Variants in TRPC6 observed in about 807,000 individuals in gnomAD.
The protein encoded by TRPC6 is transient receptor potential cation channel subfamily C member 6.
TRPC6 carries 55 observed loss-of-function variants against 90.7 expected under a neutral mutation model. That is an observed-to-expected ratio of 0.61 (90% CI 0.49 to 0.76). The LOEUF (loss-of-function observed/expected upper bound fraction) is 0.76, where lower values mean the gene tolerates loss of function less well. Among genes scored for constraint, TRPC6 ranks in the 30% least tolerant of loss-of-function variants. The probability of loss-of-function intolerance (pLI) is 0.00; values close to 1 mark genes in which losing one functional copy is unlikely to be tolerated. For synonymous variants in TRPC6, 393 were observed against 393.0 expected (o/e 1.00, Z 0.00); for missense variants, 989 against 1,122.7 (o/e 0.88, Z 1.70).
chr11:101,491,833 A>ATTTTTT lies in TRPC6; in HGVS notation c.946-96_946-95insAAAAAA, dbSNP rs200869151. ...AAGGATTTTATACTTTAAGAGAAAC[A>ATTTTTT]TTCTTTTTTTTTTTTTTTTTTTTTT... On this transcript the variant is annotated intron_variant, in intron 2 of 12. Transcript: ENST00000344327. 686 of 781,578 alleles carry ATTTTTT rather than the reference A, an allele frequency of 8.8e-4. 14 individuals carry two copies. Among genetic ancestry groups the ATTTTTT allele is most frequent in the African/African-American group, 3.3e-3 (121 of 36,282 alleles). The allele number at this position is 781,578 out of a possible 1,614,324, so 48.4% of individuals were successfully genotyped here. A position where few individuals can be genotyped will look rare whatever the true frequency, so the allele number is the denominator to read the frequency against.
chr11:101,530,205 A>G (rs540230407), intron 1 of TRPC6, among the ~76,000 whole-genome samples: 2 of 151,682 alleles, frequency 1.3e-5, no homozygotes, highest in Non-Finnish European at 2.9e-5. Context: ...GACCCTGAAA[A>G]AGCTCTAACT....
intron 1 of TRPC6, among the ~76,000 whole-genome samples, chr11:101,512,361 GTCATCATTTCATTTGTA>G (rs1481887454): frequency 2.0e-5 from 3 of 152,204 alleles, no homozygotes; most frequent in South Asian, 4.2e-4. Context: ...CAAATTTTTG[GTCATCATTTCATTTGTA>G]TCATCATTTC....
chr11:101,578,468 G>T (rs1187832147), intron 1 of TRPC6, among the ~76,000 whole-genome samples: 3 of 152,034 alleles, frequency 2.0e-5, no homozygotes, highest in Non-Finnish European at 4.4e-5. Context: ...TTTTACTTGT[G>T]GTCTCTAACA....
At chr11:101,521,257 C>T (rs1860653150) in intron 1 of TRPC6, among the ~76,000 whole-genome samples, 1 of 152,116 alleles carries the variant, frequency 6.6e-6, no homozygotes, top group Non-Finnish European at 1.5e-5. Flanking sequence ...CAGGACACTG[C>T]TCCCTGTTTC....
intron 1 of TRPC6, among the ~76,000 whole-genome samples, chr11:101,571,520 T>C (rs1861964309): frequency 1.3e-5 from 2 of 152,144 alleles, no homozygotes; most frequent in African/African-American, 4.8e-5. Flanking sequence ...AAAAAACTAA[T>C]TTAAACTTCA....
rs537547111 is a variant in TRPC6 at position 101,478,123 on chromosome 11, T to A, written c.1511-1589A>T. On this transcript the variant is annotated intron_variant, in intron 5 of 12. Transcript: ENST00000344327. ...TAAATGTCAGTCACAAAACCTGCTA[T>A]GTGAATAGCTGCAGAGCCCTGTGGG... Among the ~76,000 whole-genome samples the A allele has an allele frequency of 5.6e-4, 86 of 152,302 alleles. 2 individuals carry two copies. In the South Asian group the frequency reaches 0.018, roughly 31 times the overall value.
At chr11:101,490,091 G>T (rs1859770240) in intron 3 of TRPC6, among the ~76,000 whole-genome samples, 1 of 152,082 alleles carries the variant, frequency 6.6e-6, no homozygotes, top group Non-Finnish European at 1.5e-5. Flanking sequence ...AAGAATTTTT[G>T]TTTACGAGTA....
At chr11:101,471,771 G>A (rs529992263) in intron 8 of TRPC6, among the ~76,000 whole-genome samples, 27 of 152,252 alleles carry the variant, frequency 1.8e-4, no homozygotes, top group African/African-American at 5.8e-4. Flanking sequence ...ATCTCAACTT[G>A]AGAAAAGGTC....
At chr11:101,502,567 G>C (rs1163582943) in intron 2 of TRPC6, among the ~76,000 whole-genome samples, 2 of 152,176 alleles carry the variant, frequency 1.3e-5, no homozygotes, top group African/African-American at 4.8e-5. Context: ...GGCAAAATTA[G>C]TAATATAGAT....
rs375026688 is a variant in TRPC6, at chr11:101,499,603, T to TATATATATATAC, written c.945+4420_945+4421insGTATATATATAT. Among the ~76,000 whole-genome samples, 55 of 68,700 alleles carry TATATATATATAC rather than the reference T, an allele frequency of 8.0e-4. 1 individual carries two copies. The highest frequency in any genetic ancestry group is 2.9e-3 in the African/African-American group (43 of 14,692). The allele number at this position is 68,700 out of a possible 152,430, so 45.1% of individuals were successfully genotyped here. A position where few individuals can be genotyped will look rare whatever the true frequency, so the allele number is the denominator to read the frequency against. On this transcript the variant is annotated intron_variant, in intron 2 of 12. Transcript: ENST00000344327. ...ATATATACGTATATATATACGTATATATGGTATATATATATACACACACAA... is the reference window on the plus strand; with the variant it reads ...ATATATACGTATATATATACGTATATATATATATATACATGGTATATATATATACACACACAA...
At chr11:101,545,895 G>T (rs1356870847) in intron 1 of TRPC6, among the ~76,000 whole-genome samples, 1 of 151,828 alleles carries the variant, frequency 6.6e-6, no homozygotes, top group Non-Finnish European at 1.5e-5. Context: ...GTGTTTTCTG[G>T]TTTTCACACA....
At chr11:101,512,989 G>C (rs937061336) in intron 1 of TRPC6, among the ~76,000 whole-genome samples, 2 of 152,218 alleles carry the variant, frequency 1.3e-5, no homozygotes, top group Admixed American at 6.5e-5. Flanking sequence ...GTGTGCAGAA[G>C]TTAGGGAAAT....
intron 2 of TRPC6, among the ~76,000 whole-genome samples, chr11:101,502,808 T>C (rs1034765517): frequency 1.3e-5 from 2 of 152,162 alleles, no homozygotes; most frequent in African/African-American, 2.4e-5. Context: ...TTCCTCCTTC[T>C]AGCCTTTCTG....
At chr11:101,531,804 G>A (rs899042070) in intron 1 of TRPC6, among the ~76,000 whole-genome samples, 4 of 152,034 alleles carry the variant, frequency 2.6e-5, no homozygotes, top group African/African-American at 9.7e-5. Flanking sequence ...ATAACCAATC[G>A]AGTTCATTCT....
chr11:101,579,717 T>A (rs1228544610), intron 1 of TRPC6, among the ~76,000 whole-genome samples: 1 of 152,188 alleles, frequency 6.6e-6, no homozygotes, highest in Non-Finnish European at 1.5e-5. Context: ...TTCTTACTGT[T>A]AAAGTTTCCT....
intron 2 of TRPC6, among the ~76,000 whole-genome samples, chr11:101,499,654 C>A (rs1860046794): frequency 1.6e-5 from 2 of 124,498 alleles, no homozygotes; most frequent in Non-Finnish European, 3.3e-5. Context: ...TATATATATA[C>A]ACAATATAAA....
intron 1 of TRPC6, among the ~76,000 whole-genome samples, chr11:101,538,235 T>C (rs994899938): frequency 1.3e-5 from 2 of 152,200 alleles, no homozygotes; most frequent in Non-Finnish European, 2.9e-5. Context: ...CTGGTGAATA[T>C]TGCTCTTACA....
At chr11:101,472,053 A>G (rs1565207084) in intron 8 of TRPC6, 84 bp downstream of exon 8, 2 of 1,352,538 alleles carry the variant, frequency 1.5e-6, no homozygotes, top group Non-Finnish European at 2.1e-6. Flanking sequence ...AGAGCAGTCC[A>G]TGCTTTCATC....
chr11:101,474,192 T>C (rs1283178674), intron 6 of TRPC6, among the ~76,000 whole-genome samples: 2 of 152,226 alleles, frequency 1.3e-5, no homozygotes, highest in Non-Finnish European at 2.9e-5. Flanking sequence ...GTTCAGCGTT[T>C]AGCAAGTGCC....
Sources: allele counts gnomAD v4.1 joint callset (sites outside exome capture counted in the v4.1 genomes callset), GRCh38; gene constraint gnomAD v4.1.1; transcripts MANE v1.5; gene names NCBI Gene and HGNC (gene_info 2026-07-23, HGNC 2026-07-21).